The following SMARCD3 variants were observed in gnomAD, a reference collection of about 807,000 sequenced individuals.
The protein encoded by SMARCD3 is SWI/SNF related BAF chromatin remodeling complex subunit D3.
In SMARCD3, 14 loss-of-function variants were observed where a neutral mutation model predicts 58.0. That is an observed-to-expected ratio of 0.24 (90% CI 0.16 to 0.38). The LOEUF is 0.38. SMARCD3 is among the 10% of genes least tolerant of loss of function. The pLI is 1.00. For synonymous variants in SMARCD3, 253 were observed against 253.8 expected, an observed-to-expected ratio of 1.00 and a Z score of 0.03; for missense variants, 408 against 636.9, an observed-to-expected ratio of 0.64 and a Z score of 3.87.
intron 8 of SMARCD3, chr7:151,240,824 G>T: frequency 2.5e-6 from 1 of 395,152 alleles, no homozygotes; most frequent in Admixed American, 4.3e-5. Context: ...ACACCTCAGG[G>T]CTCAGTGTCT....
Position 151,248,464 on chromosome 7 carries a change from C to G in SMARCD3, c.78+21G>C, listed in dbSNP as rs554761835. ...CCGAGCCAGCTCGCTTGCCCTCCCC[C>G]GCTAACTTTCCCCCACTCACCACCC... On this transcript the variant is annotated intron_variant, in intron 1 of 12. Transcript: ENST00000262188. This position sits in a 1 kb window ranked among gnomAD's most constrained non-coding sequence, Gnocchi z 6.1. 1.9e-6 allele frequency: 3 copies of G among 1,600,834 alleles called. No homozygotes were observed. The highest frequency in any genetic ancestry group is 1.1e-5 in the South Asian group (1 of 90,646).
In SMARCD3 at chr7:151,243,757, C is replaced by A. The variant is rs942111475; in HGVS notation, c.291-56G>T. 1.6e-5 allele frequency: 19 copies of A among 1,219,398 alleles called. No homozygotes were observed. The highest frequency in any genetic ancestry group is 2.3e-5 in the Non-Finnish European group (19 of 819,436). 75.5% of individuals were successfully genotyped at this position (1,219,398 alleles called of 1,614,324 possible). ...ACCATGGCGACAGATCTGGGCGTAA[C>A]GAGGCCACCTGCTAGATTATCCCGA... On this transcript the variant is annotated intron_variant, in intron 2 of 12. Transcript: ENST00000262188. This position sits in a 1 kb window ranked among gnomAD's most constrained non-coding sequence, Gnocchi z 4.4.
intron 2 of SMARCD3, among the ~76,000 whole-genome samples, chr7:151,244,311 ATGT>A (rs1265117207): frequency 6.6e-6 from 1 of 152,168 alleles, no homozygotes; most frequent in African/African-American, 2.4e-5. Flanking sequence ...GGCGCCCAGA[ATGT>A]GCATGGGTGT....
chr7:151,247,111 C>A (rs1387324476), intron 1 of SMARCD3, among the ~76,000 whole-genome samples: 1 of 152,172 alleles, frequency 6.6e-6, no homozygotes, highest in Non-Finnish European at 1.5e-5. Flanking sequence ...CCTCACCCCA[C>A]CTGACCCTGT....
upstream of SMARCD3, chr7:151,248,789 C>A (rs957958764): frequency 1.3e-5 from 9 of 692,944 alleles, no homozygotes; most frequent in Non-Finnish European, 1.3e-5. The surrounding 1 kb of genome is among the most constrained non-coding windows in gnomAD (Gnocchi z 6.1). Flanking sequence ...CTGCCGCATT[C>A]CTGCACTGAT....
In SMARCD3 at chr7:151,246,222, G is replaced by T. The variant is rs1296153168; in HGVS notation, c.79-551C>A. Reference sequence around the variant, plus strand: ...TGCTCCGACTTCTGCTCCTCCTCCTGCTCCTCCTTCTCAGGCTCCACTTCT... The same window carrying T: ...TGCTCCGACTTCTGCTCCTCCTCCTTCTCCTCCTTCTCAGGCTCCACTTCT... On this transcript the variant is annotated intron_variant, in intron 1 of 12. Transcript: ENST00000262188. The surrounding 1 kb of genome is among the most constrained non-coding windows in gnomAD (Gnocchi z 4.4). 6.5e-6 allele frequency: 1 copy of T among 152,998 alleles called. No individual in the cohort carries two copies. The highest frequency in any genetic ancestry group is 1.5e-5 in the Non-Finnish European group (1 of 68,782). The allele number at this position is 152,998 out of a possible 1,614,324, so 9.5% of individuals were successfully genotyped here. A position where few individuals can be genotyped will look rare whatever the true frequency, so the allele number is the denominator to read the frequency against.
At chr7:151,263,380 T>G (rs572210002) in intron 2 of SMARCD3, among the ~76,000 whole-genome samples, 1 of 152,184 alleles carries the variant, frequency 6.6e-6, no homozygotes, top group East Asian at 1.9e-4. Context: ...AGGATGTCCA[T>G]GTGTCCACCA....
intron 8 of SMARCD3, chr7:151,240,729 A>T: frequency 9.2e-6 from 5 of 543,162 alleles, no homozygotes; most frequent in East Asian, 3.2e-5. Flanking sequence ...AGTGTGGGGC[A>T]GGGGTTGAGA....
rs112843789 is a variant in SMARCD3 at position 151,264,916 on chromosome 7, C to A, written c.39+10198G>T. Among the ~76,000 whole-genome samples, 40 of 152,316 alleles carry A rather than the reference C, an allele frequency of 2.6e-4. 2 individuals carry two copies. The highest frequency in any genetic ancestry group is 8.9e-4 in the African/African-American group (37 of 41,580). On this transcript the variant is annotated intron_variant, in intron 2 of 13. Transcript: ENST00000356800. ...AGGTGGGGAATTAGTGTTCTAGCAG[C>A]CCAGGGGCCCAAGGACTGGACAGTG...
rs949920039 is a variant in SMARCD3 at position 151,245,445 on chromosome 7, G to A, written c.290+15C>T. The A allele has an allele frequency of 9.4e-6, 11 of 1,167,604 alleles. No homozygotes were observed. Among genetic ancestry groups the A allele is most frequent in the Non-Finnish European group, 1.2e-5 (11 of 930,820 alleles). The allele number at this position is 1,167,604 out of a possible 1,614,324, so 72.3% of individuals were successfully genotyped here. A position where few individuals can be genotyped will look rare whatever the true frequency, so the allele number is the denominator to read the frequency against. The stretch of plus-strand genomic sequence containing the variant: ...CGCCCCTGCACGCCCCCTCCTCGCC[G>A]GGCCTCCCACTCACCTGCGGCTCCG... On this transcript the variant is annotated intron_variant, in intron 2 of 12. Transcript: ENST00000262188. The surrounding 1 kb of genome is among the most constrained non-coding windows in gnomAD (Gnocchi z 6.2).
chr7:151,264,968 C>T (rs931637722), intron 2 of SMARCD3, among the ~76,000 whole-genome samples: 24 of 152,168 alleles, frequency 1.6e-4, no homozygotes, highest in African/African-American at 3.6e-4. Context: ...TCCCTCAGGG[C>T]GTTGGCTCTT....
rs73727132 is a variant in SMARCD3, at chr7:151,265,666, G to A, written c.39+9448C>T. On this transcript the variant is annotated intron_variant, in intron 2 of 13. Transcript: ENST00000356800. ...GTGCAAAGCACAGGGCAGAACCCAGGTCAGAAGGCCTGAGTTTGAGCCTTT... is the reference window on the plus strand; with the variant it reads ...GTGCAAAGCACAGGGCAGAACCCAGATCAGAAGGCCTGAGTTTGAGCCTTT... Among the ~76,000 whole-genome samples, 1,340 of 152,348 alleles carry A rather than the reference G, an allele frequency of 8.8e-3. 26 individuals carry two copies. Among genetic ancestry groups the A allele is most frequent in the African/African-American group, 0.031 (1,285 of 41,586 alleles).
At chr7:151,251,867 C>T (rs1287848282), upstream of SMARCD3, among the ~76,000 whole-genome samples, 2 of 148,104 alleles carry the variant, frequency 1.4e-5, no homozygotes, top group South Asian at 2.1e-4. Context: ...GGCCGCCTCG[C>T]CCCCACCGCG....
chr7:151,249,594 G>T (rs963749710), upstream of SMARCD3: 1 of 152,074 alleles, frequency 6.6e-6, no homozygotes, highest in Non-Finnish European at 1.5e-5. This position sits in a 1 kb window ranked among gnomAD's most constrained non-coding sequence, Gnocchi z 4.8. Flanking sequence ...AGCGCCAGGG[G>T]GGTGCTCGGG....
At chr7:151,252,420 A>AGTGTGTGT (rs544394645), upstream of SMARCD3, among the ~76,000 whole-genome samples, 56 of 135,012 alleles carry the variant, frequency 4.1e-4, no homozygotes, top group African/African-American at 1.3e-3. Flanking sequence ...GGCCTGAGTG[A>AGTGTGTGT]GTGTGTGTGT....
At chr7:151,275,100 G>A in intron 2 of SMARCD3, 4 of 1,609,706 alleles carry the variant, frequency 2.5e-6, no homozygotes, top group Non-Finnish European at 2.5e-6. Context: ...GCTGGCAGGG[G>A]AGGAAGCACC....
chr7:151,244,633 G>T (rs1803167060), intron 2 of SMARCD3, among the ~76,000 whole-genome samples: 2 of 152,182 alleles, frequency 1.3e-5, no homozygotes, highest in African/African-American at 2.4e-5. Context: ...ATTACCATTT[G>T]CTGTACAAAA....
chr7:151,260,760 T>C (rs780301467), intron 2 of SMARCD3, among the ~76,000 whole-genome samples: 2 of 152,176 alleles, frequency 1.3e-5, no homozygotes, highest in Non-Finnish European at 2.9e-5. Flanking sequence ...TTTGGAGAAC[T>C]TGGAGGATCC....
rs1361365752 is a variant in SMARCD3 at position 151,241,775 on chromosome 7, T to C, written c.777+102A>G. On this transcript the variant is annotated intron_variant, in intron 7 of 12. Transcript: ENST00000262188. The surrounding 1 kb of genome is among the most constrained non-coding windows in gnomAD (Gnocchi z 5.3). ...AAACATGCCCCTGGGGAAGGATAGGTTTGGGAGGGGAAGGAGGTCTCTCAA... is the reference window on the plus strand; with the variant it reads ...AAACATGCCCCTGGGGAAGGATAGGCTTGGGAGGGGAAGGAGGTCTCTCAA... 2.9e-6 allele frequency: 4 copies of C among 1,386,060 alleles called. No homozygotes were observed. The highest frequency in any genetic ancestry group is 4.0e-6 in the Non-Finnish European group (4 of 992,762). 85.9% of individuals were successfully genotyped at this position (1,386,060 alleles called of 1,614,324 possible). A position where few individuals can be genotyped will look rare whatever the true frequency, so the allele number is the denominator to read the frequency against.
Sources: allele counts gnomAD v4.1 joint callset (sites outside exome capture counted in the v4.1 genomes callset), GRCh38; gene constraint gnomAD v4.1.1; non-coding constraint Gnocchi (gnomAD v3.1); transcripts MANE v1.5; gene names NCBI Gene and HGNC (gene_info 2026-07-23, HGNC 2026-07-21).